The following NAA40 variants were observed in gnomAD, a reference collection of about 807,000 sequenced individuals.
NAA40 encodes N-alpha-acetyltransferase 40.
Under a neutral mutation model 36.6 loss-of-function variants are expected in NAA40, and 26 were observed. The observed-to-expected ratio is 0.71, with a 90% confidence interval of 0.52 to 0.98. The LOEUF is 0.98. Among genes scored for constraint, NAA40 ranks in the 50% least tolerant of loss-of-function variants. NAA40 has a pLI of 0.00. For synonymous variants in NAA40, 129 were observed against 108.4 expected (o/e 1.19, Z -1.18); for missense variants, 237 against 306.5 (o/e 0.77, Z 1.69).
At chr11:63,952,954 G>A (rs1245879458) in intron 6 of NAA40, 115 bp downstream of exon 6, 6 of 808,466 alleles carry the variant, frequency 7.4e-6, no homozygotes, top group Non-Finnish European at 1.2e-5. Context: ...GCATGTTTTG[G>A]GAGAAAGGTG....
At chr11:63,952,734 C>T (rs1445810850) in intron 5 of NAA40, 22 bp from the exon 6 acceptor site, 1 of 1,613,858 alleles carries the variant, frequency 6.2e-7, no homozygotes, top group Non-Finnish European at 8.5e-7. Context: ...TGCACGCTCA[C>T]CTCTCTGCTT....
intron 1 of NAA40, chr11:63,939,348 T>C (rs1590747112): frequency 2.6e-6 from 3 of 1,157,930 alleles, no homozygotes; most frequent in Non-Finnish European, 3.2e-6. Flanking sequence ...CGCCCGCCCC[T>C]TCCTGCTTCG....
At chr11:63,954,155 T>C in intron 7 of NAA40, 106 bp downstream of exon 7, 1 of 1,398,168 alleles carries the variant, frequency 7.2e-7, no homozygotes, top group Non-Finnish European at 1.0e-6. Flanking sequence ...CATGGTCCAG[T>C]GGTCCATGGG....
intron 6 of NAA40, 123 bp from the exon 7 acceptor site, chr11:63,953,849 C>CT (rs1213733022): frequency 6.2e-6 from 5 of 808,856 alleles, no homozygotes; most frequent in Non-Finnish European, 1.0e-5. Flanking sequence ...AGGCTGGTCT[C>CT]TAACTCCTGG....
chr11:63,945,510 G>A (rs564582416), intron 1 of NAA40, among the ~76,000 whole-genome samples: 44 of 152,284 alleles, frequency 2.9e-4, no homozygotes, highest in African/African-American at 1.0e-3. Context: ...AGGAGGGAGC[G>A]GGTGAGTGAA....
Position 63,954,786 on chromosome 11 carries a change from C to G in NAA40, c.*307C>G, listed in dbSNP as rs1335691290. 1.6e-5 allele frequency: 4 copies of G among 244,352 alleles called. No individual in the cohort carries two copies. The highest frequency in any genetic ancestry group is 2.3e-5 in the Non-Finnish European group (3 of 128,532). 15.1% of individuals were successfully genotyped at this position (244,352 alleles called of 1,614,324 possible). A position where few individuals can be genotyped will look rare whatever the true frequency, so the allele number is the denominator to read the frequency against. On this transcript the variant is annotated 3_prime_UTR_variant, in exon 8 of 8. Coordinates refer to ENST00000377793, the MANE Select transcript of NAA40 (RefSeq NM_024771.4). Reference sequence around the variant, plus strand: ...GGGGCCTGCAGTGGAGGTTCTCGCACCTCTGCAGCCCCTAGATTCCTGGCA... The same window carrying G: ...GGGGCCTGCAGTGGAGGTTCTCGCAGCTCTGCAGCCCCTAGATTCCTGGCA...
chr11:63,939,351 C>T, intron 1 of NAA40: 1 of 1,259,216 alleles, frequency 7.9e-7, no homozygotes. Context: ...CCGCCCCTTC[C>T]TGCTTCGCGG....
chr11:63,941,210 C>G (rs1035165219), intron 1 of NAA40, among the ~76,000 whole-genome samples: 4 of 152,212 alleles, frequency 2.6e-5, no homozygotes. Flanking sequence ...GAATTCTCCT[C>G]CCTGAAACAG....
chr11:63,945,842 A>G lies in NAA40; in HGVS notation c.9A>G (p.Arg3=). The G allele has an allele frequency of 6.2e-7, 1 of 1,614,064 alleles. No individual in the cohort carries two copies. Among genetic ancestry groups the G allele is most frequent in the Non-Finnish European group, 8.5e-7 (1 of 1,179,968 alleles). ...AACGTTGCTTTTCCCTGTTGCAGAG[A>G]AAGTCAAGCAAAGCCAAGGAGAAGA... MG[R]KSSKAKEKKQ... The change falls in exon 2 of 8, where the codon AGA becomes AGG. Residue 3 remains arginine, a splice_region_variant and synonymous_variant. Coordinates refer to ENST00000377793, the MANE Select transcript of NAA40 (RefSeq NM_024771.4).
At chr11:63,946,720 G>C in intron 2 of NAA40, 2 of 1,520,332 alleles carry the variant, frequency 1.3e-6, no homozygotes, top group Non-Finnish European at 1.8e-6. Flanking sequence ...CTCTTGCCCT[G>C]TCAGGTGATG....
chr11:63,947,878 C>T (rs539148667), intron 3 of NAA40, among the ~76,000 whole-genome samples: 4 of 152,258 alleles, frequency 2.6e-5, no homozygotes, highest in African/African-American at 7.2e-5. Flanking sequence ...CCCGCCACCA[C>T]GTCCAGCTAA....
At chr11:63,952,863 CCCA>C (rs1565173791) in intron 6 of NAA40, 24 bp downstream of exon 6, 1 of 1,600,064 alleles carries the variant, frequency 6.2e-7, no homozygotes, top group Non-Finnish European at 8.6e-7. Context: ...TCTTAGGAGG[CCCA>C]TATAGCACTC....
At chr11:63,946,921 G>A (rs1410812211) in intron 2 of NAA40, 30 bp from the exon 3 acceptor site, 1 of 1,613,560 alleles carries the variant, frequency 6.2e-7, no homozygotes, top group Non-Finnish European at 8.5e-7. Flanking sequence ...CCACTTGTCT[G>A]TGCTGTTCCT....
At chr11:63,950,070 G>C (rs1192672704) in intron 3 of NAA40, among the ~76,000 whole-genome samples, 13 of 151,216 alleles carry the variant, frequency 8.6e-5, no homozygotes, top group Admixed American at 7.3e-4. Context: ...TTTTAAGGAA[G>C]AAAGAGAATA....
intron 6 of NAA40, among the ~76,000 whole-genome samples, chr11:63,953,325 A>C (rs1373042407): frequency 6.6e-6 from 1 of 151,990 alleles, no homozygotes; most frequent in Non-Finnish European, 1.5e-5. Flanking sequence ...GATTACAGGC[A>C]TGAGCCACCA....
Position 63,957,214 on chromosome 11 carries a change from T to TATATA in NAA40, c.*2735_*2736insATATA, listed in dbSNP as rs1565176250. On this transcript the variant is annotated 3_prime_UTR_variant, in exon 8 of 8. Transcript: ENST00000377793. ...TTGATATATATATATATATATATAT[T>TATATA]TTTTTTTTTCTTTAGCAGCTTGTTA... 2 of 63,390 alleles carry TATATA rather than the reference T, an allele frequency of 3.2e-5. No individual in the cohort carries two copies. Among genetic ancestry groups the TATATA allele is most frequent in the Non-Finnish European group, 8.8e-5 (2 of 22,846 alleles). The allele number at this position is 63,390 out of a possible 1,614,324, so 3.9% of individuals were successfully genotyped here. A position where few individuals can be genotyped will look rare whatever the true frequency, so the allele number is the denominator to read the frequency against.
At position 63,944,774 on chromosome 11, in the gene NAA40, G is replaced by A. The variant is rs60791209; in HGVS notation, c.7-1066G>A. ...AAAAATCAGCTGGACATGGTGGTGCGCTCCTGTAATCCCAGCTACTTGGGA... is the reference window on the plus strand; with the variant it reads ...AAAAATCAGCTGGACATGGTGGTGCACTCCTGTAATCCCAGCTACTTGGGA... On this transcript the variant is annotated intron_variant, in intron 1 of 7. Transcript: ENST00000377793. Among the ~76,000 whole-genome samples, 303 of 152,010 alleles carry A rather than the reference G, an allele frequency of 2.0e-3. 9 individuals are homozygous for A. In the East Asian group the frequency reaches 0.045, roughly 22 times the overall value.
At chr11:63,947,252 CA>C in intron 3 of NAA40, among the ~76,000 whole-genome samples, 1 of 152,118 alleles carries the variant, frequency 6.6e-6, no homozygotes, top group East Asian at 2.0e-4. Context: ...ACTAAAAATA[CA>C]AAAAATTAGC....
rs1942329543 is a variant in NAA40, at chr11:63,954,365, C to T, written c.600C>T (p.Ser200=). Residue 200 remains serine (S), a synonymous_variant, in exon 8 of 8, where the codon AGC becomes AGT. Transcript: ENST00000377793. ...LQFEIDDSSP[S]MSGCCGEDCS... ...TTGAAATTGATGACTCTTCCCCCAG[C>T]ATGTCCGGTTGCTGTGGGGAGGATT... 3.7e-6 allele frequency: 6 copies of T among 1,604,368 alleles called. No homozygotes were observed. Among genetic ancestry groups the T allele is most frequent in the Admixed American group, 1.7e-5 (1 of 57,642 alleles).
Sources: allele counts gnomAD v4.1 joint callset (sites outside exome capture counted in the v4.1 genomes callset), GRCh38; gene constraint gnomAD v4.1.1; transcripts MANE v1.5; gene names NCBI Gene and HGNC (gene_info 2026-07-23, HGNC 2026-07-21).